KIF3C: variants seen among roughly 807,000 people sequenced by gnomAD.
The protein encoded by KIF3C is kinesin family member 3C.
KIF3C carries 12 observed loss-of-function variants against 67.7 expected under a neutral mutation model. The observed-to-expected ratio is 0.18, with a 90% CI of 0.11 to 0.29. KIF3C has a LOEUF of 0.29. KIF3C is among the 10% of genes least tolerant of loss of function. The probability of loss-of-function intolerance (pLI) is 1.00; values close to 1 mark genes in which losing one functional copy is unlikely to be tolerated. For missense variants in KIF3C, 789 were observed against 1,059.6 expected, an observed-to-expected ratio of 0.74 and a Z score of 3.55; for synonymous variants, 393 against 426.2, an observed-to-expected ratio of 0.92 and a Z score of 0.96.
At chr2:25,957,186 C>G (rs34803351) in intron 1 of KIF3C, among the ~76,000 whole-genome samples, 47 of 152,174 alleles carry the variant, frequency 3.1e-4, no homozygotes, top group Middle Eastern at 3.4e-3. Context: ...TCCATCCCCC[C>G]CTAAGAGGGA....
rs536459250 is a variant in KIF3C at position 25,962,778 on chromosome 2, TTA to T, written c.1546-6336_1546-6335del. Among the ~76,000 whole-genome samples the T allele has an allele frequency of 6.8e-4, 56 of 82,692 alleles. 2 individuals are homozygous for T. Among genetic ancestry groups the T allele is most frequent in the South Asian group, 2.6e-3 (9 of 3,520 alleles). 54.2% of individuals were successfully genotyped at this position (82,692 alleles called of 152,430 possible). ...ATATAATATATATATAAAATATATG[TTA>T]TATATATAATATATATTATATAATA... On this transcript the variant is annotated intron_variant, in intron 1 of 7. Coordinates refer to ENST00000264712, the MANE Select transcript of KIF3C (RefSeq NM_002254.8).
At chr2:25,971,229 G>A (rs897028477) in intron 1 of KIF3C, among the ~76,000 whole-genome samples, 1 of 147,252 alleles carries the variant, frequency 6.8e-6, no homozygotes, top group African/African-American at 2.5e-5. Context: ...CTGAGATCAC[G>A]CCACTGCACT....
chr2:25,948,614 AAGAGAAAGAGAGAAAGAG>A (rs1380507102), intron 5 of KIF3C, among the ~76,000 whole-genome samples: 35 of 146,216 alleles, frequency 2.4e-4, no homozygotes, highest in Admixed American at 2.0e-3. Flanking sequence ...AAGAAAGAGA[AAGAGAAAGAGAGAAAGAG>A]AGAGAGAAAG....
chr2:25,952,559 ATATAT>A lies in KIF3C; in HGVS notation c.1890-659_1890-655del, dbSNP rs1359433774. ...TGTGTGTGTGTGTGTGTATATATAT[ATATAT>A]TTTTTTTTTTTTGAGACAGTTTTGC... is the stretch of plus-strand genomic sequence containing the variant. On this transcript the variant is annotated intron_variant, in intron 4 of 7. Coordinates refer to ENST00000264712, the MANE Select transcript of KIF3C (RefSeq NM_002254.8). 2.4e-3 allele frequency among the ~76,000 whole-genome samples: 291 copies of A among 121,054 alleles called. 4 individuals are homozygous for A. Among genetic ancestry groups the A allele is most frequent in the African/African-American group, 8.4e-3 (263 of 31,290 alleles). The allele number at this position is 121,054 out of a possible 152,430, so 79.4% of individuals were successfully genotyped here.
chr2:25,969,644 A>C (rs1664228611), intron 1 of KIF3C, among the ~76,000 whole-genome samples: 1 of 152,218 alleles, frequency 6.6e-6, no homozygotes, highest in Non-Finnish European at 1.5e-5. Flanking sequence ...AGAAATTTAA[A>C]GAATTTAAAG....
chr2:25,930,097 T>A (rs1307414087), intron 5 of KIF3C, 34 bp from the exon 6 acceptor site: 1 of 1,545,658 alleles, frequency 6.5e-7, no homozygotes, highest in Non-Finnish European at 8.9e-7. Context: ...AAAGGATTTC[T>A]GTGGAACACA....
At chr2:25,969,741 C>T (rs897679293) in intron 1 of KIF3C, among the ~76,000 whole-genome samples, 2 of 149,372 alleles carry the variant, frequency 1.3e-5, no homozygotes, top group Admixed American at 6.7e-5. Context: ...TTTTTTAAGA[C>T]AGAGTCTCAC....
intron 1 of KIF3C, among the ~76,000 whole-genome samples, chr2:25,962,425 G>T (rs1287879289): frequency 6.6e-6 from 1 of 151,754 alleles, no homozygotes; most frequent in East Asian, 1.9e-4. Flanking sequence ...TGTTGCCCAG[G>T]CTGGAGTGCA....
chr2:25,945,598 T>G (rs1663411645), intron 5 of KIF3C, among the ~76,000 whole-genome samples: 1 of 147,814 alleles, frequency 6.8e-6, no homozygotes, highest in Non-Finnish European at 1.5e-5. Flanking sequence ...AGAATAAAAT[T>G]TAAGGCCAGT....
At chr2:25,968,278 G>A (rs1664194403) in intron 1 of KIF3C, among the ~76,000 whole-genome samples, 1 of 152,174 alleles carries the variant, frequency 6.6e-6, no homozygotes, top group Non-Finnish European at 1.5e-5. Flanking sequence ...ATGACGAATG[G>A]TTCAAGTGCT....
intron 5 of KIF3C, among the ~76,000 whole-genome samples, chr2:25,939,473 G>T (rs565916259): frequency 2.0e-5 from 3 of 152,106 alleles, no homozygotes; most frequent in Non-Finnish European, 4.4e-5. Context: ...TCCCCGACCC[G>T]CCTGGGAAGC....
At chr2:25,976,407 C>CT (rs1354653069) in intron 1 of KIF3C, among the ~76,000 whole-genome samples, 1 of 152,114 alleles carries the variant, frequency 6.6e-6, no homozygotes, top group African/African-American at 2.4e-5. Flanking sequence ...CACAAACACT[C>CT]TTTTTTTCCT....
chr2:25,970,667 CAAAAA>C (rs397984116), intron 1 of KIF3C, among the ~76,000 whole-genome samples: 4 of 54,790 alleles, frequency 7.3e-5, no homozygotes, highest in Middle Eastern at 0.013. Context: ...AACTTTGTCT[CAAAAA>C]AAAAAAAAAA....
chr2:25,966,592 A>G (rs1319728169), intron 1 of KIF3C, among the ~76,000 whole-genome samples: 2 of 152,234 alleles, frequency 1.3e-5, no homozygotes, highest in Non-Finnish European at 2.9e-5. Flanking sequence ...TCCAGGAGCA[A>G]ATGGAGTGCA....
At chr2:25,966,403 A>G (rs557010902) in intron 1 of KIF3C, among the ~76,000 whole-genome samples, 11 of 152,214 alleles carry the variant, frequency 7.2e-5, no homozygotes, top group Non-Finnish European at 1.6e-4. Context: ...ACCACGCCCC[A>G]CCTGTCTAGC....
At position 25,955,949 on chromosome 2, in the gene KIF3C, C is replaced by T. The variant is rs1157399138; in HGVS notation, c.1648-286G>A. Among the ~76,000 whole-genome samples, 1 of 152,226 alleles carries T rather than the reference C, an allele frequency of 6.6e-6. No individual in the cohort carries two copies. Among genetic ancestry groups the T allele is most frequent in the Non-Finnish European group, 1.5e-5 (1 of 68,038 alleles). On this transcript the variant is annotated intron_variant, in intron 2 of 7. Coordinates refer to ENST00000264712, the MANE Select transcript of KIF3C (RefSeq NM_002254.8). This position sits in a 1 kb window ranked among gnomAD's most constrained non-coding sequence, Gnocchi z 5.0. ...GTCACACAGATGGAGGCACATCACACTGCCTTCCAAGCTGCCTCACCCTCT... is the reference window on the plus strand; with the variant it reads ...GTCACACAGATGGAGGCACATCACATTGCCTTCCAAGCTGCCTCACCCTCT...
intron 1 of KIF3C, among the ~76,000 whole-genome samples, chr2:25,977,869 C>G (rs553427324): frequency 6.6e-6 from 1 of 152,258 alleles, no homozygotes; most frequent in Non-Finnish European, 1.5e-5. Context: ...GGTCCTCTGT[C>G]TAGGTTCCAT....
chr2:25,954,457 G>T, intron 3 of KIF3C, 72 bp from the exon 4 acceptor site: 2 of 1,091,676 alleles, frequency 1.8e-6, no homozygotes, highest in Non-Finnish European at 1.4e-6. Flanking sequence ...AGCCTGGGCC[G>T]CAGGGCTGCA....
At chr2:25,953,466 T>C (rs1047522986) in intron 4 of KIF3C, among the ~76,000 whole-genome samples, 1 of 150,782 alleles carries the variant, frequency 6.6e-6, no homozygotes, top group Non-Finnish European at 1.5e-5. Context: ...GTTCACACCA[T>C]TCTCCTGCCT....
Sources: allele counts gnomAD v4.1 joint callset (sites outside exome capture counted in the v4.1 genomes callset), GRCh38; gene constraint gnomAD v4.1.1; non-coding constraint Gnocchi (gnomAD v3.1); transcripts MANE v1.5; gene names NCBI Gene and HGNC (gene_info 2026-07-23, HGNC 2026-07-21).